The following PTPRO variants were observed in gnomAD, a reference collection of about 807,000 sequenced individuals.
The protein encoded by PTPRO is protein tyrosine phosphatase receptor type O, also known as receptor-type tyrosine-protein phosphatase O.
Under a neutral mutation model 145.2 loss-of-function variants are expected in PTPRO, and 62 were observed. That is an observed-to-expected ratio of 0.43 (90% CI 0.35 to 0.53). The LOEUF (loss-of-function observed/expected upper bound fraction) is 0.53. Among genes scored for constraint, PTPRO ranks in the 20% least tolerant of loss-of-function variants. The pLI, the probability that PTPRO is intolerant of heterozygous loss-of-function variation, is 0.01. For missense variants in PTPRO, 1,345 were observed against 1,482.7 expected, an observed-to-expected ratio of 0.91 and a Z score of 1.53; for synonymous variants, 565 against 514.7, an observed-to-expected ratio of 1.10 and a Z score of -1.32.
Position 15,412,729 on chromosome 12 carries a change from T to A in PTPRO, c.76-71245T>A, listed in dbSNP as rs73303725. 6.4e-3 allele frequency among the ~76,000 whole-genome samples: 971 copies of A among 152,302 alleles called. 13 individuals carry two copies. Among genetic ancestry groups the A allele is most frequent in the African/African-American group, 0.022 (933 of 41,548 alleles). ...CAGTACAACATTTTATAAAACACATTTAGTATTTATTTTTTAAAACATTCC... is the reference window on the plus strand; with the variant it reads ...CAGTACAACATTTTATAAAACACATATAGTATTTATTTTTTAAAACATTCC... On this transcript the variant is annotated intron_variant, in intron 1 of 26. Coordinates refer to ENST00000281171, the MANE Select transcript of PTPRO (RefSeq NM_030667.3).
At chr12:15,533,558 T>C (rs1943004966) in intron 12 of PTPRO, among the ~76,000 whole-genome samples, 3 of 152,174 alleles carry the variant, frequency 2.0e-5, no homozygotes, top group African/African-American at 7.2e-5. Flanking sequence ...TTGAACATAG[T>C]ATTGCAGTTA....
chr12:15,497,739 A>G (rs1942137589), intron 3 of PTPRO, among the ~76,000 whole-genome samples: 1 of 152,244 alleles, frequency 6.6e-6, no homozygotes, highest in Non-Finnish European at 1.5e-5. Context: ...CTTTCTGGGT[A>G]TGATAGATGG....
At chr12:15,525,130 A>G (rs1049510719) in intron 11 of PTPRO, among the ~76,000 whole-genome samples, 165 bp downstream of exon 11, 2 of 152,232 alleles carry the variant, frequency 1.3e-5, no homozygotes, top group African/African-American at 4.8e-5. Flanking sequence ...TCTTCCTTTC[A>G]TAGAGCTTAC....
intron 1 of PTPRO, among the ~76,000 whole-genome samples, chr12:15,443,612 A>G (rs1390706560): frequency 6.6e-6 from 1 of 152,196 alleles, no homozygotes; most frequent in Non-Finnish European, 1.5e-5. Flanking sequence ...CAAAGGTCTA[A>G]TATCTAGAAT....
intron 25 of PTPRO, among the ~76,000 whole-genome samples, chr12:15,592,667 GCACAAGTCATGT>G (rs1944578173): frequency 6.6e-6 from 1 of 152,126 alleles, no homozygotes; most frequent in Non-Finnish European, 1.5e-5. Context: ...CTTTACTGCT[GCACAAGTCATGT>G]CACCTCTCAA....
chr12:15,502,229 C>T (rs563481705), intron 5 of PTPRO, among the ~76,000 whole-genome samples, 166 bp downstream of exon 5: 1 of 152,236 alleles, frequency 6.6e-6, no homozygotes, highest in South Asian at 2.1e-4. Context: ...AGACTGAGAG[C>T]AGAAAACCCA....
At chr12:15,499,113 A>C (rs1942166033) in intron 3 of PTPRO, among the ~76,000 whole-genome samples, 1 of 152,218 alleles carries the variant, frequency 6.6e-6, no homozygotes, top group Non-Finnish European at 1.5e-5. Flanking sequence ...TTTATCTTAA[A>C]GTAAATGGCC....
At chr12:15,523,304 C>T (rs576735105) in intron 10 of PTPRO, among the ~76,000 whole-genome samples, 4 of 152,216 alleles carry the variant, frequency 2.6e-5, no homozygotes, top group Admixed American at 2.0e-4. Context: ...AATGGAACAC[C>T]GACTGTCTTC....
chr12:15,580,043 C>A lies in PTPRO; in HGVS notation c.2925C>A (p.Asp975Glu), dbSNP rs1010503394. ...TTTTCTCCTTATTCTCTACAGATGA[C>A]TTCAGCCGTGTGAGATTAGTCTCCA... Reference protein sequence around the residue: ...KNRYTNILPYDFSRVRLVSMN... With the variant: ...KNRYTNILPYEFSRVRLVSMN... Residue 975 changes from aspartate to glutamate, a missense_variant, in exon 21 of 27, where the codon GAC (aspartate) becomes GAA (glutamate). Around this residue, in one of 3 missense-constraint regions of PTPRO, gnomAD observed 1,130 missense variants for 1,214.7 expected, o/e 0.93. Coordinates refer to ENST00000281171, the MANE Select transcript of PTPRO (RefSeq NM_030667.3). 6.2e-7 allele frequency: 1 copy of A among 1,612,396 alleles called. No individual in the cohort carries two copies. Among genetic ancestry groups the A allele is most frequent in the African/African-American group, 1.3e-5 (1 of 74,980 alleles).
intron 1 of PTPRO, among the ~76,000 whole-genome samples, chr12:15,439,256 G>A (rs1343441123): frequency 6.6e-6 from 1 of 152,318 alleles, no homozygotes; most frequent in East Asian, 1.9e-4. Context: ...CCAGCCTTAA[G>A]AGAGATCCTT....
chr12:15,572,464 A>C (rs950804009), intron 19 of PTPRO, among the ~76,000 whole-genome samples: 2 of 152,230 alleles, frequency 1.3e-5, no homozygotes, highest in African/African-American at 4.8e-5. Context: ...TGTTAACGTT[A>C]AGCTACATCA....
intron 1 of PTPRO, among the ~76,000 whole-genome samples, chr12:15,391,716 A>T (rs1415754188): frequency 6.6e-6 from 1 of 152,232 alleles, no homozygotes; most frequent in Admixed American, 6.5e-5. Context: ...TTCAACTTAA[A>T]GTGAGACAGA....
intron 1 of PTPRO, among the ~76,000 whole-genome samples, chr12:15,427,363 TA>T (rs1202065366): frequency 1.3e-5 from 2 of 152,032 alleles, no homozygotes; most frequent in Admixed American, 6.6e-5. Flanking sequence ...TTTCTACTTT[TA>T]ATGAGATTGC....
chr12:15,506,645 C>T (rs541904754), intron 6 of PTPRO, among the ~76,000 whole-genome samples: 7 of 152,244 alleles, frequency 4.6e-5, no homozygotes, highest in Middle Eastern at 3.4e-3. Flanking sequence ...CATGAGAACT[C>T]GCTCATTGTC....
intron 8 of PTPRO, among the ~76,000 whole-genome samples, chr12:15,516,377 A>G (rs1942586889): frequency 6.7e-6 from 1 of 149,788 alleles, no homozygotes; most frequent in Non-Finnish European, 1.5e-5. Context: ...GAAAGAAAGA[A>G]CGAACGAAAG....
At chr12:15,592,472 C>CA (rs1944574382) in intron 25 of PTPRO, among the ~76,000 whole-genome samples, 1 of 152,206 alleles carries the variant, frequency 6.6e-6, no homozygotes, top group South Asian at 2.1e-4. Flanking sequence ...CCACCTCACC[C>CA]AAAAAATTGC....
At chr12:15,536,072 T>C (rs1044235100) in intron 12 of PTPRO, among the ~76,000 whole-genome samples, 1 of 152,178 alleles carries the variant, frequency 6.6e-6, no homozygotes, top group African/African-American at 2.4e-5. Flanking sequence ...ATTCATCCTG[T>C]GAATCAGAGA....
chr12:15,373,606 C>A lies in PTPRO; in HGVS notation c.75+50805C>A, dbSNP rs901951476. On this transcript the variant is annotated intron_variant, in intron 1 of 26. Coordinates refer to ENST00000281171, the MANE Select transcript of PTPRO (RefSeq NM_030667.3). ...GTTTAACTGGCAAAAGCTGAGGAAA[C>A]AGGAAAGCTGAAGGAATATATTTTG... Among the ~76,000 whole-genome samples, 3 of 152,056 alleles carry A rather than the reference C, an allele frequency of 2.0e-5. 1 individual carries two copies. Among genetic ancestry groups the A allele is most frequent in the Admixed American group, 2.0e-4 (3 of 15,258 alleles).
chr12:15,422,243 C>A (rs1038775376), intron 1 of PTPRO, among the ~76,000 whole-genome samples: 25 of 152,076 alleles, frequency 1.6e-4, no homozygotes, highest in African/African-American at 6.0e-4. Context: ...CATAATTGTA[C>A]GAAAGGGTTT....
Sources: gnomAD v4.1 joint callset for allele counts (sites outside exome capture counted in the v4.1 genomes callset) on GRCh38, gnomAD v4.1.1 for gene constraint, gnomAD v4.1.1 regional missense constraint, MANE v1.5 for transcripts, NCBI Gene and HGNC (gene_info 2026-07-23, HGNC 2026-07-21) for gene names.